The following OSBPL3 variants were observed in gnomAD, a reference collection of about 807,000 sequenced individuals.
OSBPL3 encodes the protein oxysterol-binding protein-related protein 3.
In OSBPL3, 65 loss-of-function variants were observed where a neutral mutation model predicts 120.1. That is an observed-to-expected ratio of 0.54 (90% CI 0.44 to 0.67). The LOEUF (loss-of-function observed/expected upper bound fraction) is 0.67, where lower values mean the gene tolerates loss of function less well. OSBPL3 is among the 30% of genes least tolerant of loss of function. The pLI, the probability that OSBPL3 is intolerant of heterozygous loss-of-function variation, is 0.00. For missense variants in OSBPL3, 1,004 were observed against 1,082.1 expected, an observed-to-expected ratio of 0.93 and a Z score of 1.01; for synonymous variants, 416 against 402.6, an observed-to-expected ratio of 1.03 and a Z score of -0.40.
At chr7:24,886,810 G>A (rs1328239438) in intron 2 of OSBPL3, among the ~76,000 whole-genome samples, 2 of 152,156 alleles carry the variant, frequency 1.3e-5, no homozygotes, top group South Asian at 2.1e-4. Flanking sequence ...ATCCTGTCGT[G>A]GGGCCTGGCA....
At chr7:24,949,280 T>G (rs1814102403) in intron 1 of OSBPL3, among the ~76,000 whole-genome samples, 1 of 152,116 alleles carries the variant, frequency 6.6e-6, no homozygotes, top group Non-Finnish European at 1.5e-5. Flanking sequence ...CATCACATAC[T>G]GTGTTCCACC....
chr7:24,890,133 A>T (rs1805128610), intron 2 of OSBPL3, among the ~76,000 whole-genome samples: 1 of 152,200 alleles, frequency 6.6e-6, no homozygotes, highest in African/African-American at 2.4e-5. Context: ...TGACCAATAA[A>T]ATCAATATCA....
intron 1 of OSBPL3, among the ~76,000 whole-genome samples, chr7:24,945,960 G>A (rs1156304445): frequency 2.0e-5 from 3 of 152,208 alleles, no homozygotes; most frequent in Non-Finnish European, 4.4e-5. Flanking sequence ...TTTAAATGGT[G>A]AAGAATTCAG....
rs1805775011 is a variant in OSBPL3 at position 24,894,111 on chromosome 7, T to G, written c.-149-1490A>C. Among the ~76,000 whole-genome samples the G allele has an allele frequency of 6.6e-6, 1 of 152,174 alleles. No individual in the cohort carries two copies. Among genetic ancestry groups the G allele is most frequent in the Non-Finnish European group, 1.5e-5 (1 of 68,032 alleles). On this transcript the variant is annotated intron_variant, in intron 1 of 22. Coordinates refer to ENST00000313367, the MANE Select transcript of OSBPL3 (RefSeq NM_015550.4). The surrounding 1 kb of genome is among the most constrained non-coding windows in gnomAD (Gnocchi z 4.1). ...AACTATGATATCAAACCTGGCTAAT[T>G]ATCATATACTCTTTCCTACACCTTC...
intron 1 of OSBPL3, among the ~76,000 whole-genome samples, chr7:24,929,012 C>A (rs1015252158): frequency 1.3e-5 from 2 of 152,134 alleles, no homozygotes; most frequent in African/African-American, 4.8e-5. Context: ...TACAAAGAAG[C>A]AGTACGACGG....
At chr7:24,828,337 G>A (rs560431145) in intron 16 of OSBPL3, among the ~76,000 whole-genome samples, 3 of 152,114 alleles carry the variant, frequency 2.0e-5, no homozygotes, top group African/African-American at 2.4e-5. Flanking sequence ...TAGGCCAGGC[G>A]TGGTGGTTCA....
intron 1 of OSBPL3, among the ~76,000 whole-genome samples, chr7:24,969,458 G>A (rs1264121521): frequency 3.3e-5 from 5 of 151,998 alleles, no homozygotes; most frequent in Non-Finnish European, 5.9e-5. Context: ...AATTGACCCC[G>A]CAAAAATGAT....
rs141816671 is a variant in OSBPL3 at position 24,801,941 on chromosome 7, C to G, written c.2568-1662G>C. On this transcript the variant is annotated intron_variant, in intron 22 of 22. Coordinates refer to ENST00000313367, the MANE Select transcript of OSBPL3 (RefSeq NM_015550.4). ...GATGGGTACTTAGGTTATTTCTAAA[C>G]TCTAGCTCGGCATGTTATTTTGTAT... Among the ~76,000 whole-genome samples, 707 of 152,340 alleles carry G rather than the reference C, an allele frequency of 4.6e-3. 2 individuals carry two copies. The highest frequency in any genetic ancestry group is 7.8e-3 in the Non-Finnish European group (534 of 68,030).
intron 1 of OSBPL3, among the ~76,000 whole-genome samples, chr7:24,909,387 T>C (rs1017793806): frequency 6.6e-6 from 1 of 152,192 alleles, no homozygotes; most frequent in Non-Finnish European, 1.5e-5. Context: ...GATACACATG[T>C]TCCCTGCCCT....
At chr7:24,945,094 ATTATC>A (rs1385143564) in intron 1 of OSBPL3, among the ~76,000 whole-genome samples, 2 of 152,336 alleles carry the variant, frequency 1.3e-5, no homozygotes, top group East Asian at 3.9e-4. Context: ...TACCACCTAT[ATTATC>A]TTAAGTAATA....
At chr7:24,887,178 T>C (rs1804648064) in intron 2 of OSBPL3, among the ~76,000 whole-genome samples, 1 of 152,148 alleles carries the variant, frequency 6.6e-6, no homozygotes, top group Non-Finnish European at 1.5e-5. Context: ...AGCCAAAACC[T>C]GGGATGAGGA....
intron 1 of OSBPL3, among the ~76,000 whole-genome samples, chr7:24,906,910 C>T (rs1486707608): frequency 6.6e-6 from 1 of 152,126 alleles, no homozygotes; most frequent in East Asian, 1.9e-4. Flanking sequence ...AGTCCCCAGC[C>T]TGGTGTTGGC....
intron 1 of OSBPL3, among the ~76,000 whole-genome samples, chr7:24,977,408 A>T (rs1817697677): frequency 6.6e-6 from 1 of 152,210 alleles, no homozygotes; most frequent in Non-Finnish European, 1.5e-5. Context: ...ATGAGTTAAC[A>T]TCTAATTAGT....
chr7:24,857,269 T>C (rs898286534), intron 10 of OSBPL3, among the ~76,000 whole-genome samples: 1 of 152,214 alleles, frequency 6.6e-6, no homozygotes, highest in Non-Finnish European at 1.5e-5. Context: ...GTAGGAAAAG[T>C]GTCCCTAAAA....
intron 1 of OSBPL3, among the ~76,000 whole-genome samples, chr7:24,927,001 A>C (rs1359256330): frequency 6.6e-6 from 1 of 152,206 alleles, no homozygotes; most frequent in Non-Finnish European, 1.5e-5. Context: ...ATAATCACGA[A>C]TTTTTATTCA....
At chr7:24,866,648 T>C (rs561797048) in intron 5 of OSBPL3, among the ~76,000 whole-genome samples, 1 of 150,800 alleles carries the variant, frequency 6.6e-6, no homozygotes, top group Non-Finnish European at 1.5e-5. Context: ...CAAAAAAAAA[T>C]ACATAAATAA....
rs1792554815 is a variant in OSBPL3 at position 24,802,961 on chromosome 7, G to T, written c.2567+1354C>A. 6.7e-6 allele frequency among the ~76,000 whole-genome samples: 1 copy of T among 149,196 alleles called. No homozygotes were observed. Among genetic ancestry groups the T allele is most frequent in the African/African-American group, 2.6e-5 (1 of 38,664 alleles). On this transcript the variant is annotated intron_variant, in intron 22 of 22. Coordinates refer to ENST00000313367, the MANE Select transcript of OSBPL3 (RefSeq NM_015550.4). The surrounding 1 kb of genome is among the most constrained non-coding windows in gnomAD (Gnocchi z 4.1). ...ATATTTCAGGATGAAATTTTGGCCA[G>T]TTGATTTTCCATCACTAATATCTTG...
rs1818089640 is a variant in OSBPL3 at position 24,979,897 on chromosome 7, G to A, written c.-161C>T. 2 of 968,132 alleles carry A rather than the reference G, an allele frequency of 2.1e-6. No homozygotes were observed. The highest frequency in any genetic ancestry group is 1.8e-5 in the African/African-American group (1 of 54,558). The allele number at this position is 968,132 out of a possible 1,614,324, so 60.0% of individuals were successfully genotyped here. On this transcript the variant is annotated 5_prime_UTR_variant, in exon 1 of 23. Coordinates refer to ENST00000313367, the MANE Select transcript of OSBPL3 (RefSeq NM_015550.4). ...GCCCCGCCACTCACCTGAGCGCTGT[G>A]CAGCCGGAGACGCTCCCTAGTTCCC...
rs1452832809 is a variant in OSBPL3, at chr7:24,898,543, C to T, written c.-149-5922G>A. ...CACAATAGAGTATCCATTTCTATTC[C>T]CTGCTCCATCCATGGCCTTCACAAT... On this transcript the variant is annotated intron_variant, in intron 1 of 22. Coordinates refer to ENST00000313367, the MANE Select transcript of OSBPL3 (RefSeq NM_015550.4). The surrounding 1 kb of genome is among the most constrained non-coding windows in gnomAD (Gnocchi z 4.3). Among the ~76,000 whole-genome samples, 2 of 152,118 alleles carry T rather than the reference C, an allele frequency of 1.3e-5. No homozygotes were observed. Among genetic ancestry groups the T allele is most frequent in the African/African-American group, 4.8e-5 (2 of 41,404 alleles).
Sources: gnomAD v4.1 joint callset for allele counts (sites outside exome capture counted in the v4.1 genomes callset) on GRCh38, gnomAD v4.1.1 for gene constraint, Gnocchi (gnomAD v3.1) non-coding constraint, MANE v1.5 for transcripts, NCBI Gene and HGNC (gene_info 2026-07-23, HGNC 2026-07-21) for gene names.